Variants in USP5 observed in about 807,000 individuals in gnomAD.
USP5 encodes the protein ubiquitin carboxyl-terminal hydrolase 5.
In USP5, 24 loss-of-function variants were observed where a neutral mutation model predicts 102.5. The ratio of observed to expected loss-of-function variants is 0.23; its 90% CI spans 0.17 to 0.33. The LOEUF (loss-of-function observed/expected upper bound fraction) is 0.33. Ranked by LOEUF, USP5 falls within the 10% of genes least tolerant of loss-of-function variation. USP5 has a pLI of 1.00. For missense variants in USP5, 753 were observed against 1,122.1 expected (o/e 0.67, Z 4.70); for synonymous variants, 460 against 434.8 (o/e 1.06, Z -0.72).
chr12:6,856,988 G>A lies in USP5; in HGVS notation c.769+97G>A. On this transcript the variant is annotated intron_variant, in intron 6 of 19. Transcript: ENST00000229268. The surrounding 1 kb of genome is among the most constrained non-coding windows in gnomAD (Gnocchi z 5.6). ...GTATAATACATGAATGCATTATCTT[G>A]ATAAGAAAGGAAAGTAGTCAGGTGC... The A allele has an allele frequency of 7.0e-7, 1 of 1,430,782 alleles. No homozygotes were observed. The allele number at this position is 1,430,782 out of a possible 1,614,324, so 88.6% of individuals were successfully genotyped here.
At position 6,866,081 on chromosome 12, in the gene USP5, C is replaced by T; in HGVS notation, c.*4C>T. The T allele has an allele frequency of 1.9e-6, 3 of 1,613,816 alleles. No individual in the cohort carries two copies. The highest frequency in any genetic ancestry group is 2.5e-6 in the Non-Finnish European group (3 of 1,179,764). ...CTACCAGAGAGTGGCCAGCTAAGAG[C>T]CTGCCTCACCCCTTACCAATGAGGG... On this transcript the variant is annotated 3_prime_UTR_variant, in exon 20 of 20. Transcript: ENST00000229268. This position sits in a 1 kb window ranked among gnomAD's most constrained non-coding sequence, Gnocchi z 4.7.
intron 8 of USP5, among the ~76,000 whole-genome samples, chr12:6,859,156 G>T (rs1944201673): frequency 6.6e-6 from 1 of 152,174 alleles, no homozygotes; most frequent in Admixed American, 6.5e-5. Flanking sequence ...TCGAATTTGG[G>T]GAACAATTAG....
At chr12:6,857,774 C>T in intron 7 of USP5, 51 bp downstream of exon 7, 1 of 1,588,174 alleles carries the variant, frequency 6.3e-7, no homozygotes, top group Non-Finnish European at 8.6e-7. Context: ...CCTGTGAGGG[C>T]CCTTCCTCTT....
Position 6,856,438 on chromosome 12 carries a change from G to A in USP5, c.572G>A (p.Arg191Gln), listed in dbSNP as rs1425031899. Residue 191 changes from arginine to glutamine, a missense_variant, in exon 5 of 20, where the codon CGA becomes CAA. Arg to Gln is a conservative substitution (Grantham distance 43, BLOSUM62 1). Transcript: ENST00000229268. This position sits in a 1 kb window ranked among gnomAD's most constrained non-coding sequence, Gnocchi z 5.6. The part of the protein sequence containing the change: ...FSLKQLDNPA[R>Q]IPPCGWKCSK... Reference sequence around the variant, plus strand: ...CTCAAGCAGTTGGACAACCCTGCTCGAATCCCTCCCTGGTGAGGCCTGGCC... The same window carrying A: ...CTCAAGCAGTTGGACAACCCTGCTCAAATCCCTCCCTGGTGAGGCCTGGCC... 2.5e-6 allele frequency: 4 copies of A among 1,610,854 alleles called. No homozygotes were observed. Among genetic ancestry groups the A allele is most frequent in the African/African-American group, 1.3e-5 (1 of 74,898 alleles).
chr12:6,854,494 G>A (rs2138032799), intron 1 of USP5, among the ~76,000 whole-genome samples: 1 of 151,924 alleles, frequency 6.6e-6, no homozygotes, highest in East Asian at 1.9e-4. Flanking sequence ...TAGTCTCACC[G>A]CTGTAATCCC....
In USP5 at chr12:6,860,177, C is replaced by A; in HGVS notation, c.1157C>A (p.Ser386Tyr). Reference sequence around the variant, plus strand: ...GCCAAGCTGGGCCATGGCCTTCTCTCCGGGGAGTATTCCAAGCCAGTACCG... The same window carrying A: ...GCCAAGCTGGGCCATGGCCTTCTCTACGGGGAGTATTCCAAGCCAGTACCG... ...QVAKLGHGLL[S>Y]GEYSKPVPES... The change falls in exon 10 of 20, where the codon TCC becomes TAC. Residue 386 changes from serine to tyrosine, a missense_variant. Ser to Tyr is a moderately radical substitution (Grantham distance 144, BLOSUM62 -2). Coordinates refer to ENST00000229268, the MANE Select transcript of USP5 (RefSeq NM_001098536.2). This position sits in a 1 kb window ranked among gnomAD's most constrained non-coding sequence, Gnocchi z 5.5. 1 of 1,607,204 alleles carries A rather than the reference C, an allele frequency of 6.2e-7. No individual in the cohort carries two copies. Among genetic ancestry groups the A allele is most frequent in the Non-Finnish European group, 8.5e-7 (1 of 1,178,108 alleles).
chr12:6,852,954 C>G (rs1361994877), intron 1 of USP5, among the ~76,000 whole-genome samples: 1 of 150,350 alleles, frequency 6.7e-6, no homozygotes, highest in East Asian at 1.9e-4. Flanking sequence ...TGAGATAACC[C>G]CTTTTAAAGT....
intron 8 of USP5, among the ~76,000 whole-genome samples, chr12:6,859,216 A>G (rs1430788144): frequency 6.6e-6 from 1 of 152,216 alleles, no homozygotes; most frequent in Non-Finnish European, 1.5e-5. Flanking sequence ...TAGAACGTGA[A>G]CTGCACTTAT....
At chr12:6,865,288 G>C in intron 19 of USP5, 40 bp downstream of exon 19, 1 of 1,580,536 alleles carries the variant, frequency 6.3e-7, no homozygotes, top group African/African-American at 1.3e-5. Context: ...GAGAATGGTG[G>C]TGGGAATGAG....
In USP5 at chr12:6,858,638, C is replaced by T; in HGVS notation, c.1058+21C>T. 6.3e-7 allele frequency: 1 copy of T among 1,587,120 alleles called. No individual in the cohort carries two copies. Among genetic ancestry groups the T allele is most frequent in the Non-Finnish European group, 8.6e-7 (1 of 1,159,158 alleles). On this transcript the variant is annotated intron_variant, in intron 8 of 19. Transcript: ENST00000229268. The surrounding 1 kb of genome is among the most constrained non-coding windows in gnomAD (Gnocchi z 4.2). ...AGGAAGTGAGTAGTGCCCTCTCCTT[C>T]CCCAGGCCCCCTCCTGGTCAGCACC...
chr12:6,865,146 C>A lies in USP5; in HGVS notation c.2399-18C>A. On this transcript the variant is annotated intron_variant, in intron 18 of 19. Transcript: ENST00000229268. ...TCCTCTTCTGTTTCCTTCTCTGACC[C>A]CCTCTCTCCTTTCCTAGAGTATCAG... is the stretch of plus-strand genomic sequence containing the variant. 6.3e-7 allele frequency: 1 copy of A among 1,599,844 alleles called. No individual in the cohort carries two copies. The highest frequency in any genetic ancestry group is 8.6e-7 in the Non-Finnish European group (1 of 1,167,284).
chr12:6,856,328 A>C lies in USP5; in HGVS notation c.462A>C (p.Leu154=), dbSNP rs1944111202. 1 of 1,613,486 alleles carries C rather than the reference A, an allele frequency of 6.2e-7. No homozygotes were observed. Among genetic ancestry groups the C allele is most frequent in the African/African-American group, 1.3e-5 (1 of 74,848 alleles). Reference sequence around the variant, plus strand: ...AGGTGACCAGTGCAGTGGAGGCCCTACTGTCGGCCGACTCAGCCTCCCGCA... The same window carrying C: ...AGGTGACCAGTGCAGTGGAGGCCCTCCTGTCGGCCGACTCAGCCTCCCGCA... ...RDRVTSAVEA[L]LSADSASRKQ... is the part of the protein sequence containing the mutation. Residue 154 remains leucine, a synonymous_variant, in exon 5 of 20, where the codon CTA becomes CTC. Transcript: ENST00000229268. The surrounding 1 kb of genome is among the most constrained non-coding windows in gnomAD (Gnocchi z 5.6).
At position 6,865,441 on chromosome 12, in the gene USP5, T is replaced by A. The variant is rs527313769; in HGVS notation, c.2483+193T>A. ...TGGATCTGGCCACCAGCTTTTTTTT[T>A]AAATAGAGATGGGATCTCACTATGT... is the stretch of plus-strand genomic sequence containing the variant. On this transcript the variant is annotated intron_variant, in intron 19 of 19. Transcript: ENST00000229268. Among the ~76,000 whole-genome samples the A allele has an allele frequency of 5.4e-3, 823 of 152,202 alleles. 9 individuals carry two copies. The highest frequency in any genetic ancestry group is 0.019 in the African/African-American group (785 of 41,512).
rs782360654 is a variant in USP5, at chr12:6,865,140, C to G, written c.2399-24C>G. The stretch of plus-strand genomic sequence containing the variant: ...AAGCATTCCTCTTCTGTTTCCTTCT[C>G]TGACCCCCTCTCTCCTTTCCTAGAG... On this transcript the variant is annotated intron_variant, in intron 18 of 19. Transcript: ENST00000229268. 11 of 1,591,286 alleles carry G rather than the reference C, an allele frequency of 6.9e-6. No homozygotes were observed. The South Asian group carries it at 1.1e-4, about 16-fold the overall frequency.
In USP5 at chr12:6,858,391, C is replaced by T. The variant is rs1555128800; in HGVS notation, c.865-33C>T. The T allele has an allele frequency of 6.3e-7, 1 of 1,583,878 alleles. No individual in the cohort carries two copies. Among genetic ancestry groups the T allele is most frequent in the Admixed American group, 1.7e-5 (1 of 59,594 alleles). On this transcript the variant is annotated intron_variant, in intron 7 of 19. Transcript: ENST00000229268. This position sits in a 1 kb window ranked among gnomAD's most constrained non-coding sequence, Gnocchi z 4.2. ...AGGTAAAAACTACAGGGTTGAGTTT[C>T]TCACTCAGTCTGAAGTGCCCCTTCT...
chr12:6,857,419 A>G (rs551469050), intron 6 of USP5: 69 of 520,416 alleles, frequency 1.3e-4, no homozygotes, highest in Non-Finnish European at 2.0e-4. Context: ...AGTAATTCCA[A>G]CCCTCACCCG....
rs972534878 is a variant in USP5, at chr12:6,863,444, C to T, written c.1954+67C>T. On this transcript the variant is annotated intron_variant, in intron 15 of 19. Transcript: ENST00000229268. The surrounding 1 kb of genome is among the most constrained non-coding windows in gnomAD (Gnocchi z 4.7). The stretch of plus-strand genomic sequence containing the variant: ...TGGGGGCCTCTCTGCCTTGCATCCC[C>T]TGCCCCTGTCCTTTGTGTTTCTCCT... 15 of 1,524,508 alleles carry T rather than the reference C, an allele frequency of 9.8e-6. No individual in the cohort carries two copies. Among genetic ancestry groups the T allele is most frequent in the Middle Eastern group, 1.7e-4 (1 of 5,758 alleles). The allele number at this position is 1,524,508 out of a possible 1,614,324, so 94.4% of individuals were successfully genotyped here.
Position 6,866,052 on chromosome 12 carries a change from A to G in USP5, c.2552A>G (p.Tyr851Cys), listed in dbSNP as rs1382913952. 1.1e-5 allele frequency: 17 copies of G among 1,613,900 alleles called. No individual in the cohort carries two copies. Among genetic ancestry groups the G allele is most frequent in the East Asian group, 2.2e-5 (1 of 44,882 alleles). The part of the protein sequence containing the change: ...EKPPKDLGYI[Y>C]FYQRVAS Reference sequence around the variant, plus strand: ...CCGCCCAAGGACCTGGGCTACATCTACTTCTACCAGAGAGTGGCCAGCTAA... The same window carrying G: ...CCGCCCAAGGACCTGGGCTACATCTGCTTCTACCAGAGAGTGGCCAGCTAA... The change falls in exon 20 of 20, where the codon TAC becomes TGC. Residue 851 changes from tyrosine (Y) to cysteine (C), a missense_variant. Physicochemically the swap from Tyr to Cys is radical, Grantham distance 194. This residue lies in a region of USP5 where 33 missense variants were observed against 75.3 expected (regional missense o/e 0.44). Coordinates refer to ENST00000229268, the MANE Select transcript of USP5 (RefSeq NM_001098536.2). This position sits in a 1 kb window ranked among gnomAD's most constrained non-coding sequence, Gnocchi z 4.7.
chr12:6,863,408 T>C lies in USP5; in HGVS notation c.1954+31T>C, dbSNP rs1555130007. ...TGACTCTTCTTCCTGCCTGTCTCTC[T>C]CCCGTGCTGATGGGGGCCTCTCTGC... On this transcript the variant is annotated intron_variant, in intron 15 of 19. Transcript: ENST00000229268. This position sits in a 1 kb window ranked among gnomAD's most constrained non-coding sequence, Gnocchi z 4.7. 1 of 1,600,348 alleles carries C rather than the reference T, an allele frequency of 6.2e-7. No homozygotes were observed.
Sources: allele counts gnomAD v4.1 joint callset (sites outside exome capture counted in the v4.1 genomes callset), GRCh38; gene constraint gnomAD v4.1.1; regional missense constraint gnomAD v4.1.1; non-coding constraint Gnocchi (gnomAD v3.1); transcripts MANE v1.5; gene names NCBI Gene and HGNC (gene_info 2026-07-23, HGNC 2026-07-21).